STX8: variants seen among roughly 807,000 people sequenced by gnomAD.
STX8 encodes syntaxin 8, also known as syntaxin-8.
Under a neutral mutation model 37.5 loss-of-function variants are expected in STX8, and 23 were observed. The observed-to-expected ratio is 0.61, with a 90% CI of 0.44 to 0.87. The LOEUF is 0.87. STX8 is among the 40% of genes least tolerant of loss of function. The pLI is 0.00. For missense variants in STX8, 313 were observed against 284.7 expected (o/e 1.10, Z -0.71); for synonymous variants, 115 against 99.1 (o/e 1.16, Z -0.95).
chr17:9,538,034 A>G (rs1230718975), intron 4 of STX8, among the ~76,000 whole-genome samples: 1 of 152,216 alleles, frequency 6.6e-6, no homozygotes, highest in Non-Finnish European at 1.5e-5. Flanking sequence ...ATAAAGATCT[A>G]CTTAATGAAG....
In STX8 at chr17:9,345,848, C is replaced by CTTTTTTTTTTTTTTTTTTTTTTT. The variant is rs545020159; in HGVS notation, c.643+32703_643+32704insAAAAAAAAAAAAAAAAAAAAAAA. On this transcript the variant is annotated intron_variant, in intron 7 of 7. Coordinates refer to ENST00000306357, the MANE Select transcript of STX8 (RefSeq NM_004853.3). ...CATTATACCTCCGGGTTATGCATTCCTTTTTTTTTTTTTTTTTTTTGAGAT... is the reference window on the plus strand; with the variant it reads ...CATTATACCTCCGGGTTATGCATTCCTTTTTTTTTTTTTTTTTTTTTTTTTTTTTTTTTTTTTTTTTTTGAGAT... 3.8e-5 allele frequency among the ~76,000 whole-genome samples: 2 copies of CTTTTTTTTTTTTTTTTTTTTTTT among 52,078 alleles called. 1 individual carries two copies. The highest frequency in any genetic ancestry group is 6.9e-5 in the Non-Finnish European group (2 of 29,120). The allele number at this position is 52,078 out of a possible 152,430, so 34.2% of individuals were successfully genotyped here.
intron 6 of STX8, among the ~76,000 whole-genome samples, chr17:9,482,821 G>A (rs1458874289): frequency 1.3e-5 from 2 of 152,172 alleles, no homozygotes; most frequent in African/African-American, 4.8e-5. Flanking sequence ...GGCTGAGGCA[G>A]AAGAATGGGT....
At chr17:9,474,997 C>T (rs1289258901) in intron 6 of STX8, among the ~76,000 whole-genome samples, 1 of 151,980 alleles carries the variant, frequency 6.6e-6, no homozygotes, top group Non-Finnish European at 1.5e-5. Flanking sequence ...ACAAAAAAAA[C>T]TTGTTTTACT....
At chr17:9,384,115 C>T (rs1388139685) in intron 6 of STX8, among the ~76,000 whole-genome samples, 1 of 144,426 alleles carries the variant, frequency 6.9e-6, no homozygotes, top group African/African-American at 2.7e-5. Flanking sequence ...ATATCCTCAC[C>T]CTCATTTGTT....
chr17:9,557,610 C>T, intron 2 of STX8, 82 bp from the exon 3 acceptor site: 4 of 1,228,266 alleles, frequency 3.3e-6, no homozygotes, highest in Non-Finnish European at 3.6e-6. Context: ...CACTACTTCA[C>T]GGGCTATGAT....
At chr17:9,426,891 GTCTA>G (rs751200559) in intron 6 of STX8, among the ~76,000 whole-genome samples, 10 of 152,100 alleles carry the variant, frequency 6.6e-5, no homozygotes, top group Admixed American at 1.3e-4. Context: ...AGTATTACCA[GTCTA>G]TCTCTTACTA....
chr17:9,293,918 C>T (rs1390675866), intron 7 of STX8, among the ~76,000 whole-genome samples: 14 of 144,022 alleles, frequency 9.7e-5, no homozygotes, highest in East Asian at 2.2e-4. Flanking sequence ...CCCGCCACCA[C>T]GCCTGGCTAA....
intron 6 of STX8, among the ~76,000 whole-genome samples, chr17:9,380,631 AGTACCATAAGTG>A (rs1164097376): frequency 6.6e-6 from 1 of 151,368 alleles, no homozygotes; most frequent in Non-Finnish European, 1.5e-5. Context: ...CTACGACAGT[AGTACCATAAGTG>A]GTACAGTATT....
chr17:9,571,809 G>A (rs1410830390), intron 1 of STX8, among the ~76,000 whole-genome samples: 2 of 151,534 alleles, frequency 1.3e-5, no homozygotes, highest in Admixed American at 1.3e-4. Flanking sequence ...CAGCTACTCG[G>A]GAGGCTGAGA....
At chr17:9,333,925 TAG>T (rs1910052257) in intron 7 of STX8, among the ~76,000 whole-genome samples, 1 of 152,062 alleles carries the variant, frequency 6.6e-6, no homozygotes, top group Admixed American at 6.6e-5. Context: ...GGAATGGCAA[TAG>T]AGAAACAGTA....
At chr17:9,333,178 G>T (rs561296070) in intron 7 of STX8, among the ~76,000 whole-genome samples, 1 of 152,216 alleles carries the variant, frequency 6.6e-6, no homozygotes, top group Non-Finnish European at 1.5e-5. Context: ...TGAGGTTTAA[G>T]GTACGAATGA....
chr17:9,402,853 T>C (rs8073431), intron 6 of STX8, among the ~76,000 whole-genome samples: 12,287 of 152,232 alleles, frequency 0.081, 752 homozygotes, highest in East Asian at 0.31. Context: ...TGTGTTTTTC[T>C]TCTTCCTGCT....
intron 7 of STX8, among the ~76,000 whole-genome samples, chr17:9,303,468 GTGTA>G (rs1359560224): frequency 1.3e-5 from 2 of 152,144 alleles, no homozygotes; most frequent in Admixed American, 6.5e-5. Flanking sequence ...GTGTGTGTAT[GTGTA>G]TGTGTTACAC....
intron 7 of STX8, among the ~76,000 whole-genome samples, chr17:9,282,904 C>CT (rs5819219): frequency 0.82 from 122,701 of 149,178 alleles, 50,366 homozygotes; most frequent in African/African-American, 0.83. Flanking sequence ...GGAGATGAAT[C>CT]TTTTTTTTTT....
At chr17:9,447,462 G>A (rs1597678136) in intron 6 of STX8, among the ~76,000 whole-genome samples, 1 of 152,078 alleles carries the variant, frequency 6.6e-6, no homozygotes, top group Non-Finnish European at 1.5e-5. Flanking sequence ...TTGCTCTGTT[G>A]CCCAGGCTGC....
At chr17:9,433,606 T>TA (rs1032877712) in intron 6 of STX8, among the ~76,000 whole-genome samples, 1 of 152,072 alleles carries the variant, frequency 6.6e-6, no homozygotes, top group Non-Finnish European at 1.5e-5. Context: ...CATTAAATAT[T>TA]ACCATTTTTT....
chr17:9,549,904 T>C (rs2142579253), intron 3 of STX8, among the ~76,000 whole-genome samples: 1 of 152,110 alleles, frequency 6.6e-6, no homozygotes, highest in African/African-American at 2.4e-5. Flanking sequence ...ACAGTGTGCC[T>C]GAGTGATGCT....
intron 6 of STX8, among the ~76,000 whole-genome samples, chr17:9,462,452 T>C (rs1435751759): frequency 1.3e-5 from 2 of 152,174 alleles, no homozygotes; most frequent in Admixed American, 6.5e-5. Flanking sequence ...CCGGGTGCAG[T>C]GGCTCACGCT....
chr17:9,364,537 T>C (rs538474733), intron 7 of STX8, among the ~76,000 whole-genome samples: 2 of 152,272 alleles, frequency 1.3e-5, no homozygotes, highest in South Asian at 4.1e-4. Flanking sequence ...TTGTTGTTTA[T>C]ATTTTTTTTT....
Sources: allele counts gnomAD v4.1 joint callset (sites outside exome capture counted in the v4.1 genomes callset), GRCh38; gene constraint gnomAD v4.1.1; transcripts MANE v1.5; gene names NCBI Gene and HGNC (gene_info 2026-07-23, HGNC 2026-07-21).